Variants in NOC4L observed in about 807,000 individuals in gnomAD.
NOC4L encodes nucleolar complex protein 4 homolog.
In NOC4L, 40 loss-of-function variants were observed where a neutral mutation model predicts 62.8. The ratio of observed to expected loss-of-function variants is 0.64; its 90% CI spans 0.49 to 0.83. The LOEUF (loss-of-function observed/expected upper bound fraction) is 0.83. Ranked by LOEUF, NOC4L falls within the 40% of genes least tolerant of loss-of-function variation. The probability of loss-of-function intolerance (pLI) is 0.00; values close to 1 mark genes in which losing one functional copy is unlikely to be tolerated. For synonymous variants in NOC4L, 433 were observed against 299.8 expected, an observed-to-expected ratio of 1.44 and a Z score of -4.59; for missense variants, 927 against 701.9, an observed-to-expected ratio of 1.32 and a Z score of -3.62.
intron 3 of NOC4L, chr12:132,146,159 C>T (rs1413632629): frequency 1.6e-5 from 7 of 443,986 alleles, no homozygotes; most frequent in Middle Eastern, 3.3e-4. Flanking sequence ...TTCCATATCC[C>T]GCCCCTTTCC....
intron 8 of NOC4L, 25 bp downstream of exon 8, chr12:132,148,684 C>A (rs753081710): frequency 2.4e-5 from 11 of 463,756 alleles, no homozygotes; most frequent in South Asian, 5.2e-5. Context: ...GGGGAGGGGG[C>A]GGGGGCGGCA....
rs999956239 is a variant in NOC4L at position 132,147,493 on chromosome 12, C to T, written c.453+105C>T. 10 of 1,447,296 alleles carry T rather than the reference C, an allele frequency of 6.9e-6. No individual in the cohort carries two copies. The African/African-American group carries it at 8.5e-5, about 12-fold the overall frequency. The allele number at this position is 1,447,296 out of a possible 1,614,324, so 89.7% of individuals were successfully genotyped here. The stretch of plus-strand genomic sequence containing the variant: ...CTGCTGAGCTGAGCCTGGCTGTTGG[C>T]TGGGACACTCCTGTGGCTCCTGTGG... On this transcript the variant is annotated intron_variant, in intron 4 of 14. Coordinates refer to ENST00000330579, the MANE Select transcript of NOC4L (RefSeq NM_024078.3).
intron 11 of NOC4L, 39 bp from the exon 12 acceptor site, chr12:132,151,445 G>A: frequency 6.3e-7 from 1 of 1,599,820 alleles, no homozygotes; most frequent in Non-Finnish European, 8.5e-7. Flanking sequence ...GTGGGGGCTA[G>A]CAGTCCGGGC....
intron 6 of NOC4L, 27 bp from the exon 7 acceptor site, chr12:132,148,045 T>A (rs769736516): frequency 1.9e-6 from 3 of 1,613,314 alleles, no homozygotes; most frequent in Non-Finnish European, 2.5e-6. Context: ...GCGGGTCAGG[T>A]GACCTTTGCC....
chr12:132,151,913 C>T (rs1219896763), intron 13 of NOC4L, 93 bp downstream of exon 13: 7 of 1,356,582 alleles, frequency 5.2e-6, no homozygotes, highest in Admixed American at 4.1e-5. Flanking sequence ...CGCATAGCCT[C>T]ATGTTGCGTC....
At chr12:132,148,036 C>G (rs371586305) in intron 6 of NOC4L, 36 bp from the exon 7 acceptor site, 1 of 1,613,310 alleles carries the variant, frequency 6.2e-7, no homozygotes, top group Non-Finnish European at 8.5e-7. Context: ...GCCTCCCCTG[C>G]GGGTCAGGTG....
chr12:132,146,629 A>G (rs1897738399), intron 3 of NOC4L, among the ~76,000 whole-genome samples: 1 of 152,084 alleles, frequency 6.6e-6, no homozygotes, highest in Non-Finnish European at 1.5e-5. Flanking sequence ...GTCTGTCTAT[A>G]ATTATAGCCG....
chr12:132,151,455 C>T (rs1872922057), intron 11 of NOC4L, 29 bp from the exon 12 acceptor site: 6 of 1,599,704 alleles, frequency 3.8e-6, no homozygotes, highest in African/African-American at 1.3e-5. Flanking sequence ...GCAGTCCGGG[C>T]CCTGTCTCAC....
Position 132,152,292 on chromosome 12 carries a change from G to T in NOC4L, c.1442G>T (p.Arg481Leu). The change falls in exon 15 of 15, where the codon CGG becomes CTG. Residue 481 changes from arginine to leucine, a missense_variant. By Grantham distance (102) the Arg-to-Leu change is moderately radical. Coordinates refer to ENST00000330579, the MANE Select transcript of NOC4L (RefSeq NM_024078.3). ...CTTTGTGCTTTGCAGATCTTTGAGC[G>T]GGACCTGAAGAAGAAGGGGCCCGAG... is the stretch of plus-strand genomic sequence containing the variant. ...LELTAYEIFE[R>L]DLKKKGPEPV... 6.4e-7 allele frequency: 1 copy of T among 1,563,694 alleles called. No individual in the cohort carries two copies. The highest frequency in any genetic ancestry group is 1.4e-5 in the African/African-American group (1 of 73,540).
At chr12:132,145,509 G>A (rs1897679288) in intron 2 of NOC4L, 50 bp from the exon 3 acceptor site, 2 of 1,259,880 alleles carry the variant, frequency 1.6e-6, no homozygotes, top group East Asian at 2.3e-5. Flanking sequence ...CTGGGCCCAG[G>A]GTGGCGTATG....
Position 132,151,420 on chromosome 12 carries a change from G to A in NOC4L, c.1073+52G>A, listed in dbSNP as rs1343939298. ...CCTGCTCTGTGCGGCTGCAGCCTGG[G>A]GCCAGGGGAGGGTGGTGGGGGCTAG... On this transcript the variant is annotated intron_variant, in intron 11 of 14. Transcript: ENST00000330579. 3.1e-6 allele frequency: 5 copies of A among 1,601,984 alleles called. 1 individual carries two copies. In the South Asian group the frequency reaches 3.3e-5, roughly 11 times the overall value.
rs1032362217 is a variant in NOC4L at position 132,148,102 on chromosome 12, T to C, written c.734T>C (p.Leu245Pro). 29 of 1,613,410 alleles carry C rather than the reference T, an allele frequency of 1.8e-5. No homozygotes were observed. The highest frequency in any genetic ancestry group is 2.4e-5 in the Non-Finnish European group (28 of 1,179,966). The change falls in exon 7 of 15, where the codon CTG becomes CCG. Residue 245 changes from leucine to proline, a missense_variant. Coordinates refer to ENST00000330579, the MANE Select transcript of NOC4L (RefSeq NM_024078.3). ...TGGGACACCTGGAAGGTTGCTCACC[T>C]GAAGGTGAGTTGCTTCTGGAGAGCC... ...ELWDTWKVAHLKEHRRVFQAM... is the reference protein window; with the variant it reads ...ELWDTWKVAHPKEHRRVFQAM...
At chr12:132,151,139 A>G (rs1345840610) in intron 10 of NOC4L, 98 bp downstream of exon 10, 2 of 1,420,362 alleles carry the variant, frequency 1.4e-6, no homozygotes, top group African/African-American at 1.4e-5. Flanking sequence ...CGCTTTCCTC[A>G]CAGGCCATGG....
Position 132,148,804 on chromosome 12 carries a change from G to T in NOC4L, c.810G>T (p.Lys270Asn). Residue 270 changes from lysine to asparagine, a missense_variant, in exon 9 of 15, where the codon AAG becomes AAT. By Grantham distance (94) the Lys-to-Asn change is moderately conservative. Transcript: ENST00000330579. ...CCCAGCTGCCCCTCAGCCTCTACAA[G>T]AAGGTGCTGCTGATTGTGCATGACG... ...LKHKLPLSLY[K>N]KVLLIVHDAI... is the part of the protein sequence containing the mutation. 1 of 1,576,378 alleles carries T rather than the reference G, an allele frequency of 6.3e-7. No individual in the cohort carries two copies. The highest frequency in any genetic ancestry group is 1.1e-5 in the South Asian group (1 of 89,554).
rs111793692 is a variant in NOC4L, at chr12:132,151,530, C to G, written c.1120C>G (p.Arg374Gly). ...GGCCGCCTTCGCCAAGCGGCTGGCC[C>G]GCCTGGCCCTGACGGCTCCCCCTGA... ...LVAAFAKRLARLALTAPPEAL... is the reference protein window; with the variant it reads ...LVAAFAKRLAGLALTAPPEAL... The change falls in exon 12 of 15, where the codon CGC becomes GGC. Residue 374 changes from arginine to glycine, a missense_variant. By Grantham distance (125) the Arg-to-Gly change is moderately radical. Transcript: ENST00000330579. 124 of 1,607,862 alleles carry G rather than the reference C, an allele frequency of 7.7e-5. 1 individual carries two copies. In the African/African-American group the frequency reaches 1.2e-3, roughly 16 times the overall value.
chr12:132,148,018 C>T (rs373592625), intron 6 of NOC4L, 39 bp downstream of exon 6: 1 of 1,613,086 alleles, frequency 6.2e-7, no homozygotes. Flanking sequence ...AGGGCTGAGC[C>T]TTGGTCTGCC....
intron 3 of NOC4L, among the ~76,000 whole-genome samples, chr12:132,145,886 C>T (rs188668637): frequency 6.6e-6 from 1 of 152,306 alleles, no homozygotes; most frequent in East Asian, 1.9e-4. Context: ...CAGTGGCATC[C>T]ACGGGGATCT....
chr12:132,152,273 G>A lies in NOC4L; in HGVS notation c.1432-9G>A, dbSNP rs1411343544. 14 of 1,577,070 alleles carry A rather than the reference G, an allele frequency of 8.9e-6. No individual in the cohort carries two copies. Among genetic ancestry groups the A allele is most frequent in the South Asian group, 1.1e-5 (1 of 87,184 alleles). ...AAGCCTGAGAGCCGCCGTGCTTTGT[G>A]CTTTGCAGATCTTTGAGCGGGACCT... On this transcript the variant is annotated splice_polypyrimidine_tract_variant and intron_variant, in intron 14 of 14. Coordinates refer to ENST00000330579, the MANE Select transcript of NOC4L (RefSeq NM_024078.3).
chr12:132,144,870 A>T lies in NOC4L; in HGVS notation c.134A>T (p.Glu45Val), dbSNP rs1897648798. 6.2e-7 allele frequency: 1 copy of T among 1,601,386 alleles called. No homozygotes were observed. Among genetic ancestry groups the T allele is most frequent in the Non-Finnish European group, 8.5e-7 (1 of 1,175,808 alleles). ...CTCCTGCAGTCTGAGGACCAGGAGG[A>T]GATCCAGGAAGCAGTCCGCACGTGC... is the stretch of plus-strand genomic sequence containing the variant. ...LAVLQSEDQE[E>V]IQEAVRTCSR... Residue 45 changes from glutamate (E) to valine (V), a missense_variant, in exon 2 of 15, where the codon GAG becomes GTG. Transcript: ENST00000330579.
Sources: gnomAD v4.1 joint callset for allele counts (sites outside exome capture counted in the v4.1 genomes callset) on GRCh38, gnomAD v4.1.1 for gene constraint, MANE v1.5 for transcripts, NCBI Gene and HGNC (gene_info 2026-07-23, HGNC 2026-07-21) for gene names.